The following PTPRN2 variants were observed in gnomAD, a reference collection of about 807,000 sequenced individuals.
The protein encoded by PTPRN2 is receptor-type tyrosine-protein phosphatase N2.
A neutral mutation model predicts 118.8 loss-of-function variants in PTPRN2; 74 were observed. The observed-to-expected ratio is 0.62, with a 90% confidence interval of 0.52 to 0.76. The LOEUF (loss-of-function observed/expected upper bound fraction) is 0.76. PTPRN2 is among the 30% of genes least tolerant of loss of function. The pLI, the probability that PTPRN2 is intolerant of heterozygous loss-of-function variation, is 0.00. For missense variants in PTPRN2, 1,481 were observed against 1,394.4 expected (o/e 1.06, Z -0.99); for synonymous variants, 641 against 608.0 (o/e 1.05, Z -0.80).
chr7:158,208,343 G>A (rs1827323205), intron 3 of PTPRN2, among the ~76,000 whole-genome samples: 2 of 152,054 alleles, frequency 1.3e-5, no homozygotes, highest in African/African-American at 4.8e-5. Context: ...ACTACCTCAA[G>A]ACATTTAATT....
At chr7:158,016,005 G>A (rs559426686) in intron 11 of PTPRN2, among the ~76,000 whole-genome samples, 1 of 152,304 alleles carries the variant, frequency 6.6e-6, no homozygotes, top group East Asian at 1.9e-4. Flanking sequence ...CAGGTTCTGG[G>A]GGCCTCGGTG....
chr7:157,643,635 C>A (rs937539355), intron 14 of PTPRN2, among the ~76,000 whole-genome samples: 3 of 152,234 alleles, frequency 2.0e-5, no homozygotes. Flanking sequence ...CCCGACGGAG[C>A]CCCTGTTCCT....
chr7:157,888,413 G>A (rs923703948), intron 12 of PTPRN2, among the ~76,000 whole-genome samples: 6 of 152,024 alleles, frequency 3.9e-5, no homozygotes, highest in Non-Finnish European at 5.9e-5. Context: ...CACCGCTTTC[G>A]CTCCATTCTG....
At chr7:157,593,195 C>T (rs867125176) in intron 17 of PTPRN2, among the ~76,000 whole-genome samples, 42 of 138,684 alleles carry the variant, frequency 3.0e-4, no homozygotes, top group African/African-American at 1.1e-3. Context: ...TCACACAGGA[C>T]GGAGGGTGGA....
intron 2 of PTPRN2, among the ~76,000 whole-genome samples, chr7:158,332,415 T>G (rs1220928628): frequency 2.0e-5 from 3 of 148,738 alleles, no homozygotes; most frequent in Non-Finnish European, 4.4e-5. Flanking sequence ...ACTCTCAACA[T>G]AAGAGCTGAC....
At chr7:157,558,936 T>C (rs958211965) in intron 21 of PTPRN2, among the ~76,000 whole-genome samples, 4 of 152,232 alleles carry the variant, frequency 2.6e-5, no homozygotes, top group East Asian at 1.9e-4. Context: ...CGTGGGCTCA[T>C]GGTCAAGGAC....
At chr7:158,043,979 A>G (rs934591043) in intron 11 of PTPRN2, among the ~76,000 whole-genome samples, 5 of 152,228 alleles carry the variant, frequency 3.3e-5, no homozygotes, top group African/African-American at 1.2e-4. Flanking sequence ...GAGGGAGCAA[A>G]GCATAAAGAG....
intron 10 of PTPRN2, among the ~76,000 whole-genome samples, chr7:158,089,853 A>G (rs186514715): frequency 0.012 from 1,240 of 105,370 alleles, 3 homozygotes; most frequent in African/African-American, 0.043. Context: ...TGAAAGAGGG[A>G]GTCTTCACAC....
Position 158,327,580 on chromosome 7 carries a change from T to C in PTPRN2, c.164-10648A>G, listed in dbSNP as rs1228132596. Reference sequence around the variant, plus strand: ...CACATGCTCACACATGTACATGTTCTCATGTACACACTCACTACTCACACT... The same window carrying C: ...CACATGCTCACACATGTACATGTTCCCATGTACACACTCACTACTCACACT... On this transcript the variant is annotated intron_variant, in intron 2 of 22. Coordinates refer to ENST00000389418, the MANE Select transcript of PTPRN2 (RefSeq NM_002847.5). 3.9e-5 allele frequency among the ~76,000 whole-genome samples: 6 copies of C among 152,204 alleles called. No individual in the cohort carries two copies. The East Asian group carries it at 1.2e-3, about 29-fold the overall frequency.
At chr7:158,037,041 G>A (rs879072366) in intron 11 of PTPRN2, among the ~76,000 whole-genome samples, 1 of 152,078 alleles carries the variant, frequency 6.6e-6, no homozygotes, top group South Asian at 2.1e-4. Flanking sequence ...CAAAGATACA[G>A]GTCACAAGGT....
intron 12 of PTPRN2, among the ~76,000 whole-genome samples, chr7:157,841,291 A>G (rs1215729509): frequency 1.3e-5 from 2 of 152,232 alleles, no homozygotes; most frequent in Non-Finnish European, 2.9e-5. Flanking sequence ...CTGGCTGAAC[A>G]TCGGTGAAGA....
rs1563067942 is a variant in PTPRN2 at position 157,748,509 on chromosome 7, CTTAGGTCTGCGTCTCTGAGCTGTGGGG to C, written c.1789-65599_1789-65573del. On this transcript the variant is annotated intron_variant, in intron 12 of 22. Coordinates refer to ENST00000389418, the MANE Select transcript of PTPRN2 (RefSeq NM_002847.5). ...TGAGCTGCGGAGTGTCTGGGTGATT[CTTAGGTCTGCGTCTCTGAGCTGTGGGG>C]TGTCCGGGTGATTCTGAGGCCTGCG... Among the ~76,000 whole-genome samples the C allele has an allele frequency of 5.2e-4, 77 of 147,554 alleles. 2 individuals carry two copies. Among genetic ancestry groups the C allele is most frequent in the Middle Eastern group, 3.9e-3 (1 of 258 alleles).
chr7:158,330,777 G>A (rs1419196759), intron 2 of PTPRN2, among the ~76,000 whole-genome samples: 51 of 109,704 alleles, frequency 4.6e-4, no homozygotes, highest in African/African-American at 4.4e-4. Flanking sequence ...GACACCCGCA[G>A]ACGTCACTCA....
chr7:157,682,580 A>G, intron 13 of PTPRN2, 145 bp downstream of exon 13: 1 of 793,004 alleles, frequency 1.3e-6, no homozygotes, highest in South Asian at 1.6e-5. Flanking sequence ...GCTGATGAGA[A>G]GTTCCAAACT....
intron 1 of PTPRN2, among the ~76,000 whole-genome samples, chr7:158,523,492 TCG>T (rs1295025853): frequency 2.3e-4 from 15 of 65,990 alleles, no homozygotes; most frequent in African/African-American, 8.3e-4. Flanking sequence ...TGGAGTGGAG[TCG>T]TCTGCCCTGG....
In PTPRN2 at chr7:158,267,944, G is replaced by A. The variant is rs969233319; in HGVS notation, c.277+48875C>T. 3.9e-5 allele frequency among the ~76,000 whole-genome samples: 6 copies of A among 152,304 alleles called. No homozygotes were observed. The East Asian group carries it at 5.8e-4, about 15-fold the overall frequency. On this transcript the variant is annotated intron_variant, in intron 3 of 22. Transcript: ENST00000389418. Reference sequence around the variant, plus strand: ...GCCCGTAATTTAGAGAGAAGCTGATGCAGTTGACTCTTCCCAGCTTGCCAT... The same window carrying A: ...GCCCGTAATTTAGAGAGAAGCTGATACAGTTGACTCTTCCCAGCTTGCCAT...
chr7:158,148,328 C>T (rs1585625310), intron 6 of PTPRN2, among the ~76,000 whole-genome samples: 2 of 114,344 alleles, frequency 1.7e-5, no homozygotes, highest in African/African-American at 3.3e-5. Context: ...CTCAATGACA[C>T]CCCATCTCAC....
chr7:158,127,213 T>C (rs1003568606), intron 9 of PTPRN2, among the ~76,000 whole-genome samples: 1 of 152,158 alleles, frequency 6.6e-6, no homozygotes, highest in African/African-American at 2.4e-5. Context: ...GGAAATCCAT[T>C]GGCTCCTCCT....
intron 2 of PTPRN2, among the ~76,000 whole-genome samples, chr7:158,456,081 G>A (rs890627570): frequency 1.3e-5 from 2 of 151,138 alleles, no homozygotes; most frequent in Non-Finnish European, 2.9e-5. Flanking sequence ...GACGCCATCG[G>A]CCACGGCCCC....
Sources: allele counts gnomAD v4.1 joint callset (sites outside exome capture counted in the v4.1 genomes callset), GRCh38; gene constraint gnomAD v4.1.1; transcripts MANE v1.5; gene names NCBI Gene and HGNC (gene_info 2026-07-23, HGNC 2026-07-21).